Variants in LRRTM4 observed in about 807,000 individuals in gnomAD.
The protein encoded by LRRTM4 is leucine rich repeat transmembrane neuronal 4, also known as leucine-rich repeat transmembrane neuronal protein 4.
In LRRTM4, 25 loss-of-function variants were observed where a neutral mutation model predicts 47.6. The observed-to-expected ratio is 0.53, with a 90% CI of 0.38 to 0.73. LRRTM4 has a LOEUF of 0.73. LRRTM4 is among the 30% of genes least tolerant of loss of function. LRRTM4 has a pLI of 0.00. For missense variants in LRRTM4, 638 were observed against 713.4 expected (o/e 0.89, Z 1.20); for synonymous variants, 311 against 269.5 (o/e 1.15, Z -1.51).
At chr2:77,231,612 T>C (rs1305120584) in intron 3 of LRRTM4, among the ~76,000 whole-genome samples, 1 of 152,144 alleles carries the variant, frequency 6.6e-6, no homozygotes, top group African/African-American at 2.4e-5. Context: ...GAAAAATATG[T>C]TAACCTATAT....
intron 3 of LRRTM4, among the ~76,000 whole-genome samples, chr2:76,929,293 G>A (rs530215387): frequency 6.6e-6 from 1 of 152,054 alleles, no homozygotes; most frequent in Non-Finnish European, 1.5e-5. Flanking sequence ...GCAAACTAAC[G>A]CCCATGAACC....
intron 3 of LRRTM4, among the ~76,000 whole-genome samples, chr2:77,352,744 G>C (rs1214131960): frequency 2.0e-5 from 3 of 152,058 alleles, no homozygotes; most frequent in South Asian, 4.2e-4. Flanking sequence ...GAATAAGGAA[G>C]AACAATTTTT....
chr2:77,095,046 A>G (rs1415216922), intron 3 of LRRTM4, among the ~76,000 whole-genome samples: 1 of 152,228 alleles, frequency 6.6e-6, no homozygotes, highest in African/African-American at 2.4e-5. Flanking sequence ...GCTAGTATCC[A>G]AAATATGTAA....
chr2:77,186,861 C>T (rs776387892), intron 3 of LRRTM4, among the ~76,000 whole-genome samples: 23 of 152,008 alleles, frequency 1.5e-4, no homozygotes, highest in East Asian at 5.8e-4. Flanking sequence ...AAGAAGCTGC[C>T]GGTATGTTTT....
At chr2:77,210,855 TATG>T (rs571581340) in intron 3 of LRRTM4, among the ~76,000 whole-genome samples, 68 of 152,258 alleles carry the variant, frequency 4.5e-4, no homozygotes, top group African/African-American at 1.5e-3. Flanking sequence ...GAGAGACACA[TATG>T]GAGCATGAAC....
chr2:76,890,518 C>G (rs1197546267), intron 3 of LRRTM4, among the ~76,000 whole-genome samples: 2 of 151,884 alleles, frequency 1.3e-5, no homozygotes, highest in Non-Finnish European at 2.9e-5. Context: ...TTGTCTCAGA[C>G]TCAGTTAACA....
intron 3 of LRRTM4, among the ~76,000 whole-genome samples, chr2:76,953,028 G>T (rs983659604): frequency 1.3e-5 from 2 of 151,682 alleles, no homozygotes; most frequent in Non-Finnish European, 2.9e-5. Context: ...GAGACTACTA[G>T]ACAAGAAAGA....
intron 3 of LRRTM4, among the ~76,000 whole-genome samples, chr2:77,374,138 G>C (rs1672746835): frequency 6.6e-6 from 1 of 151,738 alleles, no homozygotes. Flanking sequence ...GCTTGGCACA[G>C]TCAAGAGTAT....
intron 3 of LRRTM4, among the ~76,000 whole-genome samples, chr2:77,385,476 T>C (rs1050041524): frequency 1.3e-5 from 2 of 152,286 alleles, no homozygotes; most frequent in East Asian, 3.9e-4. Flanking sequence ...CTTTGCTTCT[T>C]AATTAACCCA....
At chr2:76,930,394 C>T (rs561765161) in intron 3 of LRRTM4, among the ~76,000 whole-genome samples, 7 of 152,072 alleles carry the variant, frequency 4.6e-5, no homozygotes, top group East Asian at 1.9e-4. Context: ...AATTAGTAAA[C>T]GTGTCTGTGC....
chr2:76,905,139 C>T (rs1573290221), intron 3 of LRRTM4, among the ~76,000 whole-genome samples: 2 of 152,116 alleles, frequency 1.3e-5, no homozygotes, highest in African/African-American at 4.8e-5. Flanking sequence ...CCGGGTACTC[C>T]TCTGAGACAA....
chr2:77,192,464 GA>G (rs1233447485), intron 3 of LRRTM4, among the ~76,000 whole-genome samples: 2 of 151,764 alleles, frequency 1.3e-5, no homozygotes, highest in African/African-American at 2.4e-5. Context: ...AAGAAATAAA[GA>G]AAAAAATTGA....
At chr2:76,761,246 T>TG (rs1673242924) in intron 3 of LRRTM4, among the ~76,000 whole-genome samples, 1 of 152,212 alleles carries the variant, frequency 6.6e-6, no homozygotes, top group Non-Finnish European at 1.5e-5. Context: ...CCAAATGCGG[T>TG]GCACACCTGT....
At chr2:77,131,066 C>T (rs1405449558) in intron 3 of LRRTM4, among the ~76,000 whole-genome samples, 4 of 150,240 alleles carry the variant, frequency 2.7e-5, no homozygotes, top group Admixed American at 6.6e-5. Context: ...GATATCCTGA[C>T]CTCGTGATCC....
rs537150715 is a variant in LRRTM4, at chr2:77,190,371, C to T, written c.1551+327947G>A. Among the ~76,000 whole-genome samples the T allele has an allele frequency of 1.1e-4, 17 of 149,460 alleles. No individual in the cohort carries two copies. In the South Asian group the frequency reaches 2.5e-3, roughly 22 times the overall value. On this transcript the variant is annotated intron_variant, in intron 3 of 3. Coordinates refer to ENST00000409884, the MANE Select transcript of LRRTM4 (RefSeq NM_001134745.3). ...AGAGCAACGGCACGATCTTGGCTCA[C>T]TGCAACCTCCGCCTCCCAGTTCAAG...
intron 3 of LRRTM4, among the ~76,000 whole-genome samples, chr2:76,826,131 CT>C (rs1403697811): frequency 2.6e-5 from 4 of 151,556 alleles, no homozygotes; most frequent in African/African-American, 9.7e-5. Flanking sequence ...ATAAGATTTG[CT>C]ACAAAGAGGA....
At chr2:76,950,829 C>T (rs1461333516) in intron 3 of LRRTM4, among the ~76,000 whole-genome samples, 1 of 151,888 alleles carries the variant, frequency 6.6e-6, no homozygotes, top group African/African-American at 2.4e-5. Flanking sequence ...CTAGATTCAG[C>T]CATATTAAGA....
intron 3 of LRRTM4, among the ~76,000 whole-genome samples, chr2:76,889,327 G>A (rs1467420953): frequency 6.6e-6 from 1 of 151,922 alleles, no homozygotes; most frequent in Non-Finnish European, 1.5e-5. Context: ...TTGATTGTGA[G>A]TTACACATAT....
At chr2:76,928,570 G>T (rs1407834099) in intron 3 of LRRTM4, among the ~76,000 whole-genome samples, 1 of 152,138 alleles carries the variant, frequency 6.6e-6, no homozygotes, top group Non-Finnish European at 1.5e-5. Context: ...TTTAAAGGCA[G>T]TCGTGCCTTA....
Sources: allele counts gnomAD v4.1 joint callset (sites outside exome capture counted in the v4.1 genomes callset), GRCh38; gene constraint gnomAD v4.1.1; transcripts MANE v1.5; gene names NCBI Gene and HGNC (gene_info 2026-07-23, HGNC 2026-07-21).